Variants in VPS13D observed in about 807,000 individuals in gnomAD.
VPS13D encodes the protein intermembrane lipid transfer protein VPS13D.
VPS13D carries 187 observed loss-of-function variants against 461.9 expected under a neutral mutation model. The ratio of observed to expected loss-of-function variants is 0.40; its 90% CI spans 0.36 to 0.46. VPS13D has a LOEUF of 0.46. Ranked by LOEUF, VPS13D falls within the 20% of genes least tolerant of loss-of-function variation. The pLI is 0.60. For missense variants in VPS13D, 4,711 were observed against 5,364.9 expected, an observed-to-expected ratio of 0.88 and a Z score of 3.81; for synonymous variants, 1,951 against 1,986.3, an observed-to-expected ratio of 0.98 and a Z score of 0.47.
At chr1:12,385,546 C>A (rs938603599) in intron 59 of VPS13D, among the ~76,000 whole-genome samples, 173 bp downstream of exon 59, 1 of 152,086 alleles carries the variant, frequency 6.6e-6, no homozygotes, top group African/African-American at 2.4e-5. Flanking sequence ...ATGTAAATGA[C>A]AACAAAGTTT....
In VPS13D at chr1:12,258,050, A is replaced by G. The variant is rs928770348; in HGVS notation, c.1057A>G (p.Thr353Ala). 3 of 1,614,096 alleles carry G rather than the reference A, an allele frequency of 1.9e-6. No homozygotes were observed. Among genetic ancestry groups the G allele is most frequent in the Non-Finnish European group, 2.5e-6 (3 of 1,180,052 alleles). ...CCGCGCTCGTGATGCTGTATCTTAC[A>G]CTGACAAATATTTCAACAAGTTAAA... ...LHRARDAVSYTDKYFNKLKGG... is the reference protein window; with the variant it reads ...LHRARDAVSYADKYFNKLKGG... The change falls in exon 10 of 70, where the codon ACT becomes GCT. Residue 353 changes from threonine to alanine, a missense_variant. By Grantham distance (58) the Thr-to-Ala change is moderately conservative (BLOSUM62 0). This residue lies in a region of VPS13D where 4,411 missense variants were observed against 4,937.8 expected (regional missense o/e 0.89). Transcript: ENST00000620676.
intron 10 of VPS13D, among the ~76,000 whole-genome samples, chr1:12,259,143 G>A (rs1436370441): frequency 6.6e-6 from 1 of 151,382 alleles, no homozygotes; most frequent in Non-Finnish European, 1.5e-5. Flanking sequence ...CTGGGCTCAA[G>A]CCATTCTCCC....
intron 61 of VPS13D, 45 bp downstream of exon 61, chr1:12,400,375 G>T: frequency 6.2e-7 from 1 of 1,602,752 alleles, no homozygotes; most frequent in South Asian, 1.1e-5. Context: ...ATGCTGGAAC[G>T]TTGATTTGTT....
intron 46 of VPS13D, among the ~76,000 whole-genome samples, chr1:12,353,431 G>A (rs1216075811): frequency 6.6e-6 from 1 of 151,326 alleles, no homozygotes; most frequent in African/African-American, 2.4e-5. Context: ...TACTCGGAAG[G>A]CTGAGGCTGA....
chr1:12,485,359 C>T lies in VPS13D; in HGVS notation c.12663-12141C>T, dbSNP rs374955089. Reference sequence around the variant, plus strand: ...GATGGCCAGCCCAGGGTTGTCTGCACGGTGGTCTTGGCATCTGTACCTTAG... The same window carrying T: ...GATGGCCAGCCCAGGGTTGTCTGCATGGTGGTCTTGGCATCTGTACCTTAG... On this transcript the variant is annotated intron_variant, in intron 67 of 69. Transcript: ENST00000620676. Among the ~76,000 whole-genome samples, 64 of 152,326 alleles carry T rather than the reference C, an allele frequency of 4.2e-4. 2 individuals carry two copies. In the South Asian group the frequency reaches 7.2e-3, roughly 17 times the overall value.
chr1:12,319,887 T>A (rs890462570), intron 32 of VPS13D, among the ~76,000 whole-genome samples: 1 of 152,202 alleles, frequency 6.6e-6, no homozygotes, highest in African/African-American at 2.4e-5. Context: ...CCTCAAGAAG[T>A]TCAAGGAGAC....
chr1:12,411,172 G>T (rs12125362), intron 63 of VPS13D, among the ~76,000 whole-genome samples: 2 of 152,158 alleles, frequency 1.3e-5, no homozygotes, highest in East Asian at 3.9e-4. Flanking sequence ...AAAATAAAAA[G>T]TTCGTTATTT....
At chr1:12,399,848 C>A (rs975115971) in intron 60 of VPS13D, among the ~76,000 whole-genome samples, 2 of 152,010 alleles carry the variant, frequency 1.3e-5, no homozygotes, top group African/African-American at 4.8e-5. Flanking sequence ...ATATATTCAT[C>A]GTGTACAACA....
chr1:12,494,396 T>G (rs1036954837), intron 67 of VPS13D, among the ~76,000 whole-genome samples: 4 of 152,228 alleles, frequency 2.6e-5, no homozygotes, highest in Non-Finnish European at 5.9e-5. Flanking sequence ...GGTAAGGCTC[T>G]GAGGGAGTCC....
intron 35 of VPS13D, among the ~76,000 whole-genome samples, chr1:12,325,948 T>G (rs1012382990): frequency 6.6e-6 from 1 of 151,652 alleles, no homozygotes; most frequent in Non-Finnish European, 1.5e-5. Flanking sequence ...AGGGTATAGA[T>G]ATATTTTTCA....
chr1:12,345,599 C>T (rs897186187), intron 43 of VPS13D, 90 bp downstream of exon 43: 12 of 1,490,484 alleles, frequency 8.1e-6, no homozygotes, highest in Non-Finnish European at 1.1e-5. Context: ...ATGAAACTTT[C>T]TTGTTCTTTC....
chr1:12,418,282 G>A (rs571076519), intron 65 of VPS13D, among the ~76,000 whole-genome samples: 1 of 152,280 alleles, frequency 6.6e-6, no homozygotes, highest in African/African-American at 2.4e-5. Context: ...GTCTGAACTA[G>A]CGTGTACTTT....
intron 67 of VPS13D, among the ~76,000 whole-genome samples, chr1:12,493,384 G>C (rs1400994064): frequency 6.6e-6 from 1 of 151,364 alleles, no homozygotes; most frequent in African/African-American, 2.4e-5. Flanking sequence ...TCGGGAGGCT[G>C]AGGCAGGAGA....
intron 65 of VPS13D, among the ~76,000 whole-genome samples, chr1:12,419,851 C>G (rs1267722125): frequency 6.6e-6 from 1 of 152,196 alleles, no homozygotes; most frequent in Non-Finnish European, 1.5e-5. Flanking sequence ...GTGCGAACAT[C>G]ATAGAGTATA....
intron 21 of VPS13D, among the ~76,000 whole-genome samples, chr1:12,287,770 T>A (rs1642015303): frequency 6.6e-6 from 1 of 152,240 alleles, no homozygotes; most frequent in Non-Finnish European, 1.5e-5. Context: ...AGGTGAAGTC[T>A]CAGTTGGTTA....
chr1:12,366,770 A>G (rs1644041438), intron 52 of VPS13D, among the ~76,000 whole-genome samples: 1 of 152,222 alleles, frequency 6.6e-6, no homozygotes, highest in African/African-American at 2.4e-5. Flanking sequence ...ATATCCCTAT[A>G]TCTTGTACCT....
At chr1:12,306,232 G>T (rs544464467) in intron 26 of VPS13D, among the ~76,000 whole-genome samples, 1 of 152,238 alleles carries the variant, frequency 6.6e-6, no homozygotes, top group African/African-American at 2.4e-5. Flanking sequence ...GATCCGCCCC[G>T]ATTTCACAGA....
At chr1:12,506,151 C>G (rs1013173333) in intron 68 of VPS13D, among the ~76,000 whole-genome samples, 1 of 152,202 alleles carries the variant, frequency 6.6e-6, no homozygotes, top group African/African-American at 2.4e-5. Flanking sequence ...ACACTGTTCC[C>G]AAGGTTCACT....
intron 65 of VPS13D, among the ~76,000 whole-genome samples, chr1:12,453,633 C>T (rs1481764306): frequency 6.6e-6 from 1 of 152,174 alleles, no homozygotes; most frequent in Non-Finnish European, 1.5e-5. Context: ...CTTTCCAAAA[C>T]AAAGGTCACA....
Sources: allele counts gnomAD v4.1 joint callset (sites outside exome capture counted in the v4.1 genomes callset), GRCh38; gene constraint gnomAD v4.1.1; regional missense constraint gnomAD v4.1.1; transcripts MANE v1.5; gene names NCBI Gene and HGNC (gene_info 2026-07-23, HGNC 2026-07-21).